The following SOCS5 variants were observed in gnomAD, a reference collection of about 807,000 sequenced individuals.
SOCS5 encodes the protein CIS-6.
Under a neutral mutation model 42.8 loss-of-function variants are expected in SOCS5, and 32 were observed. That is an observed-to-expected ratio of 0.75 (90% CI 0.56 to 1.01). SOCS5 has a LOEUF of 1.01. SOCS5 is among the 50% of genes least tolerant of loss of function. The pLI is 0.00. For synonymous variants in SOCS5, 283 were observed against 229.6 expected (o/e 1.23, Z -2.10); for missense variants, 627 against 653.0 (o/e 0.96, Z 0.43).
At chr2:46,747,486 G>A (rs1192241325) in intron 1 of SOCS5, among the ~76,000 whole-genome samples, 1 of 152,182 alleles carries the variant, frequency 6.6e-6, no homozygotes, top group Non-Finnish European at 1.5e-5. Flanking sequence ...AAAGTGCTGA[G>A]ATTACAGGCA....
intron 1 of SOCS5, among the ~76,000 whole-genome samples, chr2:46,751,448 T>C (rs1341825698): frequency 1.3e-5 from 2 of 152,014 alleles, no homozygotes; most frequent in Admixed American, 6.6e-5. Context: ...GACACAGACA[T>C]GCAAGTGTTT....
rs543832887 is a variant in SOCS5 at position 46,699,640 on chromosome 2, C to T, written c.-13+191C>T. Among the ~76,000 whole-genome samples the T allele has an allele frequency of 2.1e-3, 320 of 152,266 alleles. No individual in the cohort carries two copies. Among genetic ancestry groups the T allele is most frequent in the Non-Finnish European group, 4.0e-3 (269 of 67,992 alleles). ...GCTGGCCGGGAAAAGGACTGCTAGC[C>T]CGGGCCGCGAGCCCCGTGCAGACCA... On this transcript the variant is annotated intron_variant, in intron 1 of 1. Coordinates refer to ENST00000394861, the MANE Select transcript of SOCS5 (RefSeq NM_144949.3). This position sits in a 1 kb window ranked among gnomAD's most constrained non-coding sequence, Gnocchi z 4.8.
intron 1 of SOCS5, among the ~76,000 whole-genome samples, chr2:46,714,584 A>G (rs958468450): frequency 2.0e-5 from 3 of 152,036 alleles, no homozygotes; most frequent in Non-Finnish European, 4.4e-5. Flanking sequence ...TAGTCTGATA[A>G]TCTCTCCTTT....
At chr2:46,719,141 C>G (rs543172206) in intron 1 of SOCS5, among the ~76,000 whole-genome samples, 1 of 152,206 alleles carries the variant, frequency 6.6e-6, no homozygotes, top group Admixed American at 6.5e-5. Context: ...ATAAAAATAA[C>G]TGGCAGGAGA....
rs185003525 is a variant in SOCS5, at chr2:46,751,362, T to C, written c.-12-7157T>C. 8.2e-4 allele frequency among the ~76,000 whole-genome samples: 125 copies of C among 152,188 alleles called. 2 individuals are homozygous for C. The highest frequency in any genetic ancestry group is 2.8e-3 in the African/African-American group (117 of 41,532). On this transcript the variant is annotated intron_variant, in intron 1 of 1. Coordinates refer to ENST00000394861, the MANE Select transcript of SOCS5 (RefSeq NM_144949.3). Reference sequence around the variant, plus strand: ...ATGTAATTGCCAGAGGTTTTTCTCTTTTGCTAGTCTGATTCCATCTCTGAC... The same window carrying C: ...ATGTAATTGCCAGAGGTTTTTCTCTCTTGCTAGTCTGATTCCATCTCTGAC...
chr2:46,749,989 A>G (rs1243201784), intron 1 of SOCS5, among the ~76,000 whole-genome samples: 1 of 152,208 alleles, frequency 6.6e-6, no homozygotes, highest in Non-Finnish European at 1.5e-5. Flanking sequence ...AATATCTCCT[A>G]TGAGCCATTT....
chr2:46,741,592 A>G (rs372022902), intron 1 of SOCS5, among the ~76,000 whole-genome samples: 1 of 152,310 alleles, frequency 6.6e-6, no homozygotes, highest in East Asian at 1.9e-4. Context: ...CCACAGTGAT[A>G]TTTCCTAACT....
At chr2:46,719,395 A>G (rs1356518887) in intron 1 of SOCS5, among the ~76,000 whole-genome samples, 1 of 152,216 alleles carries the variant, frequency 6.6e-6, no homozygotes, top group East Asian at 1.9e-4. Flanking sequence ...ATAGTTTAAA[A>G]TTATGAGTTT....
In SOCS5 at chr2:46,759,077, G is replaced by A; in HGVS notation, c.547G>A (p.Asp183Asn). Residue 183 changes from aspartate to asparagine, a missense_variant, in exon 2 of 2, where the codon GAT becomes AAT. Physicochemically the swap from Asp to Asn is conservative, Grantham distance 23 (BLOSUM62 1). Coordinates refer to ENST00000394861, the MANE Select transcript of SOCS5 (RefSeq NM_144949.3). ...TCGCTCTCTAAGACAGAGGTTGCAGGATACTGTGGGCTTGTGTTTTCCCAT... is the reference window on the plus strand; with the variant it reads ...TCGCTCTCTAAGACAGAGGTTGCAGAATACTGTGGGCTTGTGTTTTCCCAT... ...GSRSLRQRLQ[D>N]TVGLCFPMRT... is the part of the protein sequence containing the mutation. 1 of 1,613,956 alleles carries A rather than the reference G, an allele frequency of 6.2e-7. No individual in the cohort carries two copies. Among genetic ancestry groups the A allele is most frequent in the African/African-American group, 1.3e-5 (1 of 75,058 alleles).
Position 46,759,743 on chromosome 2 carries a change from C to G in SOCS5, c.1213C>G (p.Leu405Val). The change falls in exon 2 of 2, where the codon CTC becomes GTC. Residue 405 changes from leucine (L) to valine (V), a missense_variant. Coordinates refer to ENST00000394861, the MANE Select transcript of SOCS5 (RefSeq NM_144949.3). ...AGGGAAACCTGAAGGCACGTTTTTGCTCAGGGACTCTGCGCAAGAGGACTA... is the reference window on the plus strand; with the variant it reads ...AGGGAAACCTGAAGGCACGTTTTTGGTCAGGGACTCTGCGCAAGAGGACTA... ...LEGKPEGTFL[L>V]RDSAQEDYLF... 5 of 1,614,120 alleles carry G rather than the reference C, an allele frequency of 3.1e-6. No individual in the cohort carries two copies. Among genetic ancestry groups the G allele is most frequent in the Non-Finnish European group, 4.2e-6 (5 of 1,180,014 alleles).
Position 46,760,223 on chromosome 2 carries a change from G to A in SOCS5, c.*82G>A. On this transcript the variant is annotated 3_prime_UTR_variant, in exon 2 of 2. Transcript: ENST00000394861. ...ACACCTATAGCAAGCACACGTAGCAGTGTTAGGCTTTTTCATACAGTATGT... is the reference window on the plus strand; with the variant it reads ...ACACCTATAGCAAGCACACGTAGCAATGTTAGGCTTTTTCATACAGTATGT... The A allele has an allele frequency of 1.0e-6, 1 of 1,002,402 alleles. No individual in the cohort carries two copies. The highest frequency in any genetic ancestry group is 1.5e-6 in the Non-Finnish European group (1 of 665,822). The allele number at this position is 1,002,402 out of a possible 1,614,324, so 62.1% of individuals were successfully genotyped here.
At chr2:46,753,900 T>G (rs13426735) in intron 1 of SOCS5, among the ~76,000 whole-genome samples, 1 of 152,122 alleles carries the variant, frequency 6.6e-6, no homozygotes, top group Non-Finnish European at 1.5e-5. Context: ...ATAATTAATG[T>G]ATAATGAGCA....
intron 1 of SOCS5, among the ~76,000 whole-genome samples, chr2:46,720,322 G>A (rs943979276): frequency 1.3e-5 from 2 of 152,118 alleles, no homozygotes; most frequent in African/African-American, 4.8e-5. Context: ...GAACTGTACT[G>A]CTCTTGGTGT....
At chr2:46,718,170 T>C (rs1397606929) in intron 1 of SOCS5, among the ~76,000 whole-genome samples, 1 of 152,096 alleles carries the variant, frequency 6.6e-6, no homozygotes, top group African/African-American at 2.4e-5. Flanking sequence ...GAGTCTTTGT[T>C]TCTCTTTTCT....
chr2:46,744,523 A>G (rs1462348170), intron 1 of SOCS5, among the ~76,000 whole-genome samples: 3 of 151,862 alleles, frequency 2.0e-5, no homozygotes, highest in Admixed American at 6.6e-5. Flanking sequence ...TCAAAATAAT[A>G]AAGACTTTTT....
At chr2:46,744,781 G>C (rs544617693) in intron 1 of SOCS5, among the ~76,000 whole-genome samples, 1 of 151,904 alleles carries the variant, frequency 6.6e-6, no homozygotes, top group Non-Finnish European at 1.5e-5. Context: ...GCCCACCTCA[G>C]CCTCCCAAAG....
At chr2:46,712,963 TGTTCTTC>T in intron 1 of SOCS5, among the ~76,000 whole-genome samples, 1 of 152,348 alleles carries the variant, frequency 6.6e-6, no homozygotes, top group East Asian at 1.9e-4. Flanking sequence ...ATAAAATTGA[TGTTCTTC>T]GTTAAATGTT....
intron 1 of SOCS5, among the ~76,000 whole-genome samples, chr2:46,706,572 T>C (rs1011882523): frequency 6.6e-6 from 1 of 152,168 alleles, no homozygotes; most frequent in African/African-American, 2.4e-5. Context: ...CTGACATTTC[T>C]CCCCTTGACT....
At chr2:46,700,639 A>G (rs1415728811) in intron 1 of SOCS5, among the ~76,000 whole-genome samples, 1 of 152,212 alleles carries the variant, frequency 6.6e-6, no homozygotes, top group Non-Finnish European at 1.5e-5. Flanking sequence ...CTATTAAGCA[A>G]TACTAAAATC....
Sources: allele counts gnomAD v4.1 joint callset (sites outside exome capture counted in the v4.1 genomes callset), GRCh38; gene constraint gnomAD v4.1.1; non-coding constraint Gnocchi (gnomAD v3.1); transcripts MANE v1.5; gene names NCBI Gene and HGNC (gene_info 2026-07-23, HGNC 2026-07-21).